CEMIP2: variants seen among roughly 807,000 people sequenced by gnomAD.
The protein encoded by CEMIP2 is cell surface hyaluronidase CEMIP2.
In CEMIP2, 79 loss-of-function variants were observed where a neutral mutation model predicts 146.9. The ratio of observed to expected loss-of-function variants is 0.54; its 90% CI spans 0.45 to 0.65. The LOEUF (loss-of-function observed/expected upper bound fraction) is 0.65, where lower values mean the gene tolerates loss of function less well. Ranked by LOEUF, CEMIP2 falls within the 30% of genes least tolerant of loss-of-function variation. The pLI is 0.00. For missense variants in CEMIP2, 1,596 were observed against 1,696.2 expected (o/e 0.94, Z 1.04); for synonymous variants, 601 against 606.3 (o/e 0.99, Z 0.13).
chr9:71,737,350 G>C lies in CEMIP2; in HGVS notation c.1205-2356C>G, dbSNP rs555866035. On this transcript the variant is annotated intron_variant, in intron 5 of 23. Transcript: ENST00000377044. ...GCCTGTAGTTCCAGCTACTCAGGAG[G>C]CTGAGGCAGGAGAATCGCTTGAACC... Among the ~76,000 whole-genome samples, 5 of 151,076 alleles carry C rather than the reference G, an allele frequency of 3.3e-5. No individual in the cohort carries two copies. The South Asian group carries it at 1.0e-3, about 32-fold the overall frequency.
Position 71,685,015 on chromosome 9 carries a change from T to G in CEMIP2, c.*182A>C. 1 of 532,646 alleles carries G rather than the reference T, an allele frequency of 1.9e-6. No homozygotes were observed. The highest frequency in any genetic ancestry group is 3.5e-5 in the South Asian group (1 of 28,282). 33.0% of individuals were successfully genotyped at this position (532,646 alleles called of 1,614,324 possible). ...TACAAACAACGTCTTTAACATTTTG[T>G]ACAACTAGAAGGTGCATGAAGCTGG... On this transcript the variant is annotated 3_prime_UTR_variant, in exon 24 of 24. Transcript: ENST00000377044.
At chr9:71,760,164 A>C (rs1824587229) in intron 1 of CEMIP2, among the ~76,000 whole-genome samples, 1 of 152,304 alleles carries the variant, frequency 6.6e-6, no homozygotes, top group Middle Eastern at 3.4e-3. Flanking sequence ...TTAGGAAATA[A>C]ATCTCTGGAA....
Position 71,741,631 on chromosome 9 carries a change from G to GTTTTTTTTTTTTTTTTTTT in CEMIP2, c.1035-1418_1035-1400dup. Among the ~76,000 whole-genome samples, 181 of 73,136 alleles carry GTTTTTTTTTTTTTTTTTTT rather than the reference G, an allele frequency of 2.5e-3. 7 individuals carry two copies. Among genetic ancestry groups the GTTTTTTTTTTTTTTTTTTT allele is most frequent in the South Asian group, 4.4e-3 (8 of 1,836 alleles). The allele number at this position is 73,136 out of a possible 152,430, so 48.0% of individuals were successfully genotyped here. A position where few individuals can be genotyped will look rare whatever the true frequency, so the allele number is the denominator to read the frequency against. ...CACCATTATTTCTTTTTCTTTTCTG[G>GTTTTTTTTTTTTTTTTTTT]TTTTTTTTTTTTTTTTTTTTTTTTG... On this transcript the variant is annotated intron_variant, in intron 4 of 23. Transcript: ENST00000377044.
At chr9:71,717,820 G>C (rs1823110574) in intron 13 of CEMIP2, 128 bp downstream of exon 13, 2 of 898,306 alleles carry the variant, frequency 2.2e-6, no homozygotes, top group Admixed American at 3.1e-5. Flanking sequence ...CTCAGAGCTT[G>C]TCCTGTCTTA....
At chr9:71,702,263 A>G (rs1165271009) in intron 18 of CEMIP2, among the ~76,000 whole-genome samples, 1 of 140,340 alleles carries the variant, frequency 7.1e-6, no homozygotes, top group African/African-American at 3.1e-5. Flanking sequence ...GTCTCAAGGA[A>G]AAAAAAAAAA....
chr9:71,757,152 AG>A (rs141097107), intron 1 of CEMIP2, among the ~76,000 whole-genome samples: 1,588 of 152,344 alleles, frequency 0.01, 17 homozygotes, highest in South Asian at 0.03. Context: ...AATGCAGAGA[AG>A]GTGCCACAGC....
chr9:71,745,579 C>A lies in CEMIP2; in HGVS notation c.473G>T (p.Gly158Val). Residue 158 changes from glycine (G) to valine (V), a missense_variant and splice_region_variant, in exon 4 of 24, where the codon GGA (glycine) becomes GTA (valine). Transcript: ENST00000377044. ...TVHSIVIQDG[G>V]LLVFGDNKDG... ...TTTATTGTCCCCAAATACAAGCAGTCCTGCAGGGAACACCACCCTGTAAGC... is the reference window on the plus strand; with the variant it reads ...TTTATTGTCCCCAAATACAAGCAGTACTGCAGGGAACACCACCCTGTAAGC... 6.3e-7 allele frequency: 1 copy of A among 1,592,286 alleles called. No homozygotes were observed. The highest frequency in any genetic ancestry group is 8.5e-7 in the Non-Finnish European group (1 of 1,171,168).
intron 6 of CEMIP2, among the ~76,000 whole-genome samples, chr9:71,733,516 C>T (rs1823679956): frequency 6.6e-6 from 1 of 152,020 alleles, no homozygotes; most frequent in Admixed American, 6.6e-5. Context: ...GACGGAAGCA[C>T]AGGGAAAAAA....
chr9:71,708,673 C>G (rs1474828039), intron 17 of CEMIP2, among the ~76,000 whole-genome samples: 1 of 152,158 alleles, frequency 6.6e-6, no homozygotes, highest in African/African-American at 2.4e-5. Context: ...TTAATGTCTT[C>G]AAAGAGGTGT....
At chr9:71,753,112 C>A (rs1208604920) in intron 1 of CEMIP2, among the ~76,000 whole-genome samples, 2 of 152,094 alleles carry the variant, frequency 1.3e-5, no homozygotes, top group Non-Finnish European at 2.9e-5. Context: ...CCTCTCTGAA[C>A]AAAGAAAGGG....
At chr9:71,762,030 A>G (rs775961111) in intron 1 of CEMIP2, among the ~76,000 whole-genome samples, 5 of 127,398 alleles carry the variant, frequency 3.9e-5, no homozygotes, top group Non-Finnish European at 7.7e-5. Context: ...AATAGTGACT[A>G]AAAAGTATGG....
chr9:71,734,758 C>T (rs1238536595), intron 6 of CEMIP2, 48 bp downstream of exon 6: 2 of 1,500,222 alleles, frequency 1.3e-6, no homozygotes, highest in Non-Finnish European at 1.8e-6. Context: ...GAATCAAATC[C>T]CAAGAAAATA....
At chr9:71,707,599 G>A (rs1456472720) in intron 17 of CEMIP2, among the ~76,000 whole-genome samples, 1 of 152,180 alleles carries the variant, frequency 6.6e-6, no homozygotes, top group Non-Finnish European at 1.5e-5. Flanking sequence ...TCAGGTGGTG[G>A]AAACAACATG....
intron 14 of CEMIP2, among the ~76,000 whole-genome samples, chr9:71,715,648 A>ATATATATATATATATATAT (rs967444649): frequency 2.2e-5 from 3 of 134,208 alleles, no homozygotes; most frequent in African/African-American, 5.8e-5. Flanking sequence ...ATATATATAT[A>ATATATATATATATATATAT]CTTTTTTTTT....
intron 10 of CEMIP2, among the ~76,000 whole-genome samples, chr9:71,728,245 A>ATATG (rs1823464472): frequency 5.0e-5 from 2 of 40,344 alleles, no homozygotes; most frequent in Admixed American, 2.8e-4. Context: ...ATATATATAT[A>ATATG]TATATGTATA....
rs373115369 is a variant in CEMIP2 at position 71,690,246 on chromosome 9, C to T, written c.3697G>A (p.Val1233Ile). 3 of 1,613,104 alleles carry T rather than the reference C, an allele frequency of 1.9e-6. No individual in the cohort carries two copies. Among genetic ancestry groups the T allele is most frequent in the African/African-American group, 2.7e-5 (2 of 74,966 alleles). Residue 1233 changes from valine to isoleucine, a missense_variant and splice_region_variant, in exon 22 of 24, where the codon GTC becomes ATC. Val to Ile is a conservative substitution (Grantham distance 29). Transcript: ENST00000377044. Reference protein sequence around the residue: ...TQRGDPSVISVNGTDFTFRSA... With the variant: ...TQRGDPSVISINGTDFTFRSA... ...CGGAAGGTAAAGTCAGTGCCATTGA[C>T]CTGAGAATGCAAAAACATCTTCTGC...
chr9:71,754,083 G>A (rs1824340957), intron 1 of CEMIP2, among the ~76,000 whole-genome samples: 3 of 152,136 alleles, frequency 2.0e-5, no homozygotes, highest in Admixed American at 6.5e-5. Context: ...GGCTGGGAGA[G>A]GGATAGCATT....
At chr9:71,757,940 TTAAG>T (rs1824512890) in intron 1 of CEMIP2, among the ~76,000 whole-genome samples, 1 of 152,174 alleles carries the variant, frequency 6.6e-6, no homozygotes, top group Non-Finnish European at 1.5e-5. Context: ...AAATAAATAA[TTAAG>T]TGTGACCAAT....
chr9:71,723,365 AAAAG>A (rs1015372850), intron 11 of CEMIP2, among the ~76,000 whole-genome samples: 5 of 152,120 alleles, frequency 3.3e-5, no homozygotes, highest in African/African-American at 4.8e-5. Flanking sequence ...TAAAAAAAAA[AAAAG>A]GAGGCAAATA....
Sources: gnomAD v4.1 joint callset for allele counts (sites outside exome capture counted in the v4.1 genomes callset) on GRCh38, gnomAD v4.1.1 for gene constraint, MANE v1.5 for transcripts, NCBI Gene and HGNC (gene_info 2026-07-23, HGNC 2026-07-21) for gene names.